SCNN1B: variants seen among roughly 807,000 people sequenced by gnomAD.
SCNN1B encodes the protein epithelial sodium channel subunit beta.
In SCNN1B, 46 loss-of-function variants were observed where a neutral mutation model predicts 65.3. The observed-to-expected ratio is 0.70, with a 90% CI of 0.56 to 0.90. The LOEUF is 0.90. Among genes scored for constraint, SCNN1B ranks in the 40% least tolerant of loss-of-function variants. The pLI is 0.00. For missense variants in SCNN1B, 751 were observed against 830.5 expected (o/e 0.90, Z 1.18); for synonymous variants, 349 against 330.6 (o/e 1.06, Z -0.60).
At chr16:23,323,851 TA>T (rs1409027847) in intron 1 of SCNN1B, among the ~76,000 whole-genome samples, 3 of 152,334 alleles carry the variant, frequency 2.0e-5, no homozygotes, top group Admixed American at 6.5e-5. Context: ...ATCTTTCATT[TA>T]CCAAGCTGGG....
intron 4 of SCNN1B, among the ~76,000 whole-genome samples, chr16:23,362,581 G>A (rs775685515): frequency 5.3e-5 from 8 of 152,192 alleles, no homozygotes; most frequent in Non-Finnish European, 1.0e-4. Flanking sequence ...CAGCCCAGCA[G>A]AGATTTCTGT....
At chr16:23,372,866 G>A (rs183665470) in intron 7 of SCNN1B, among the ~76,000 whole-genome samples, 6 of 149,882 alleles carry the variant, frequency 4.0e-5, no homozygotes, top group Admixed American at 2.0e-4. Flanking sequence ...TTGGGAGTGC[G>A]AAGCGGGTAC....
intron 4 of SCNN1B, among the ~76,000 whole-genome samples, chr16:23,366,546 C>T (rs1266982576): frequency 3.3e-5 from 5 of 152,012 alleles, no homozygotes; most frequent in Non-Finnish European, 7.4e-5. Context: ...GCAGCCTGGC[C>T]AACATGATGA....
At chr16:23,300,306 G>A (rs568336052), upstream of SCNN1B, among the ~76,000 whole-genome samples, 4 of 151,944 alleles carry the variant, frequency 2.6e-5, no homozygotes, top group East Asian at 1.9e-4. Context: ...AAACCTGCAC[G>A]TTCTGCACAT....
At chr16:23,294,396 CA>C (rs961159022) in intron 2 of SCNN1B, among the ~76,000 whole-genome samples, 76 of 151,842 alleles carry the variant, frequency 5.0e-4, no homozygotes, top group African/African-American at 1.8e-3. Context: ...GACCCTGTCT[CA>C]AAAAACAAAC....
chr16:23,373,812 G>A (rs193145689), intron 7 of SCNN1B, among the ~76,000 whole-genome samples: 456 of 152,246 alleles, frequency 3.0e-3, no homozygotes, highest in Admixed American at 4.9e-3. Context: ...AACTCTAGCC[G>A]TCATCTGAGC....
intron 2 of SCNN1B, among the ~76,000 whole-genome samples, chr16:23,351,431 C>T (rs1417914712): frequency 1.3e-5 from 2 of 152,208 alleles, no homozygotes; most frequent in African/African-American, 2.4e-5. Context: ...TTCCCAGAAG[C>T]TGTGAACATC....
intron 1 of SCNN1B, among the ~76,000 whole-genome samples, chr16:23,309,874 G>A (rs1359750593): frequency 6.6e-6 from 1 of 152,190 alleles, no homozygotes; most frequent in African/African-American, 2.4e-5. Context: ...GTTCCTAGAA[G>A]CTCCTCTGTG....
At position 23,375,814 on chromosome 16, in the gene SCNN1B, G is replaced by A. The variant is rs200966246; in HGVS notation, c.1229G>A (p.Arg410His). 159 of 1,614,062 alleles carry A rather than the reference G, an allele frequency of 9.9e-5. No individual in the cohort carries two copies. The highest frequency in any genetic ancestry group is 1.9e-4 in the South Asian group (17 of 91,086). ...NCGHYLYPLP[R>H]GEKYCNNRDF... Reference sequence around the variant, plus strand: ...GGCCACTACCTGTACCCACTGCCCCGTGGGGAGAAATACTGCAACAACCGG... The same window carrying A: ...GGCCACTACCTGTACCCACTGCCCCATGGGGAGAAATACTGCAACAACCGG... The change falls in exon 8 of 13, where the codon CGT becomes CAT. Residue 410 changes from arginine (R) to histidine (H), a missense_variant. Coordinates refer to ENST00000343070, the MANE Select transcript of SCNN1B (RefSeq NM_000336.3).
intron 4 of SCNN1B, among the ~76,000 whole-genome samples, chr16:23,355,808 C>T (rs1233015896): frequency 6.6e-6 from 1 of 150,908 alleles, no homozygotes; most frequent in Non-Finnish European, 1.5e-5. Flanking sequence ...AAAGGCTGGG[C>T]GTGGTGGGTG....
chr16:23,338,436 A>G (rs2142007004), intron 1 of SCNN1B, among the ~76,000 whole-genome samples: 1 of 152,364 alleles, frequency 6.6e-6, no homozygotes, highest in South Asian at 2.1e-4. Context: ...TTCAATAACC[A>G]GAGTCAAATC....
intron 4 of SCNN1B, among the ~76,000 whole-genome samples, chr16:23,360,091 T>C (rs1291869231): frequency 6.6e-6 from 1 of 151,954 alleles, no homozygotes; most frequent in Non-Finnish European, 1.5e-5. Context: ...TAATCCCAGC[T>C]ACTCGGGAGG....
intron 1 of SCNN1B, among the ~76,000 whole-genome samples, chr16:23,335,724 G>A (rs1961923946): frequency 6.6e-6 from 1 of 151,862 alleles, no homozygotes; most frequent in Non-Finnish European, 1.5e-5. Flanking sequence ...TGGGATTATA[G>A]GTGTGAGCCA....
At chr16:23,293,770 A>T (rs1480222934) in intron 2 of SCNN1B, among the ~76,000 whole-genome samples, 1 of 151,966 alleles carries the variant, frequency 6.6e-6, no homozygotes. Context: ...CTACAAAAAA[A>T]AAATTAGCCT....
intron 4 of SCNN1B, among the ~76,000 whole-genome samples, chr16:23,366,925 G>A (rs1163953923): frequency 6.6e-6 from 1 of 152,202 alleles, no homozygotes; most frequent in Non-Finnish European, 1.5e-5. Flanking sequence ...CACTTCGACT[G>A]AACAGAGTTT....
chr16:23,279,956 A>G (rs1960760976), intron 1 of SCNN1B, among the ~76,000 whole-genome samples: 1 of 152,172 alleles, frequency 6.6e-6, no homozygotes, highest in Non-Finnish European at 1.5e-5. Flanking sequence ...TCCTGCTGAG[A>G]CTTGTCGGTT....
In SCNN1B at chr16:23,377,590, T is replaced by TCCTTCCTCC. The variant is rs1567319382; in HGVS notation, c.1404+205_1404+206insCTTCCTCCC. 4.9e-3 allele frequency among the ~76,000 whole-genome samples: 691 copies of TCCTTCCTCC among 140,242 alleles called. 4 individuals are homozygous for TCCTTCCTCC. The highest frequency in any genetic ancestry group is 7.9e-3 in the Non-Finnish European group (518 of 65,770). 92.0% of individuals were successfully genotyped at this position (140,242 alleles called of 152,430 possible). On this transcript the variant is annotated intron_variant, in intron 10 of 12. Coordinates refer to ENST00000343070, the MANE Select transcript of SCNN1B (RefSeq NM_000336.3). Reference sequence around the variant, plus strand: ...CTCTCTTTTCCCTTCCTCCCTCCCTTCTCCCTTCCTTCCTTCCTTCTTTCT... The same window carrying TCCTTCCTCC: ...CTCTCTTTTCCCTTCCTCCCTCCCTTCCTTCCTCCCTCCCTTCCTTCCTTCCTTCTTTCT...
At chr16:23,377,592 T>C (rs1962932587) in intron 10 of SCNN1B, among the ~76,000 whole-genome samples, 2 of 137,582 alleles carry the variant, frequency 1.5e-5, no homozygotes, top group Non-Finnish European at 3.0e-5. Flanking sequence ...CCCTCCCTTC[T>C]CCCTTCCTTC....
chr16:23,348,613 A>G lies in SCNN1B; in HGVS notation c.14A>G (p.Lys5Arg). The G allele has an allele frequency of 1.9e-6, 3 of 1,613,040 alleles. No homozygotes were observed. The highest frequency in any genetic ancestry group is 2.5e-6 in the Non-Finnish European group (3 of 1,179,922). ...GCAGGTGCCACTATGCACGTGAAGA[A>G]GTACCTGCTGAAGGGCCTGCATCGG... MHVK[K>R]YLLKGLHRLQ... The change falls in exon 2 of 13, where the codon AAG becomes AGG. Residue 5 changes from lysine (K) to arginine (R), a missense_variant. Coordinates refer to ENST00000343070, the MANE Select transcript of SCNN1B (RefSeq NM_000336.3). This position sits in a 1 kb window ranked among gnomAD's most constrained non-coding sequence, Gnocchi z 4.5.
Sources: allele counts gnomAD v4.1 joint callset (sites outside exome capture counted in the v4.1 genomes callset), GRCh38; gene constraint gnomAD v4.1.1; non-coding constraint Gnocchi (gnomAD v3.1); transcripts MANE v1.5; gene names NCBI Gene and HGNC (gene_info 2026-07-23, HGNC 2026-07-21).